ESPN: variants seen among roughly 807,000 people sequenced by gnomAD.
ESPN encodes espin, also known as autosomal recessive deafness type 36 protein.
A neutral mutation model predicts 77.7 loss-of-function variants in ESPN; 68 were observed. The observed-to-expected ratio is 0.87, with a 90% CI of 0.72 to 1.07. The LOEUF (loss-of-function observed/expected upper bound fraction) is 1.07, where lower values mean the gene tolerates loss of function less well. Among genes scored for constraint, ESPN ranks in the 50% least tolerant of loss-of-function variants. The pLI is 0.00. For missense variants in ESPN, 1,060 were observed against 1,239.0 expected (o/e 0.86, Z 2.17); for synonymous variants, 449 against 567.1 (o/e 0.79, Z 2.96).
Position 6,457,241 on chromosome 1 carries a change from C to G in ESPN, c.2383C>G (p.Arg795Gly), listed in dbSNP as rs1436366629. The change falls in exon 11 of 13, where the codon CGG becomes GGG. Residue 795 changes from arginine to glycine, a missense_variant. By Grantham distance (125) the Arg-to-Gly change is moderately radical. Coordinates refer to ENST00000645284, the MANE Select transcript of ESPN (RefSeq NM_031475.3). ...GCCCGCCTGGAGGCGGGACCTCCTG[C>G]GGAAGAAGCTGGAAGAAGAGAGGTG... The part of the protein sequence containing the change: ...SMPAWRRDLL[R>G]KKLEEEREQK... The G allele has an allele frequency of 6.2e-7, 1 of 1,613,544 alleles. No homozygotes were observed. Among genetic ancestry groups the G allele is most frequent in the Non-Finnish European group, 8.5e-7 (1 of 1,179,778 alleles).
rs1643879788 is a variant in ESPN, at chr1:6,447,978, G to C, written c.1465-663G>C. On this transcript the variant is annotated intron_variant, in intron 7 of 12. Coordinates refer to ENST00000645284, the MANE Select transcript of ESPN (RefSeq NM_031475.3). This position sits in a 1 kb window ranked among gnomAD's most constrained non-coding sequence, Gnocchi z 5.2. ...TCAGCCTGGGATTGGCGGGCCCCGG[G>C]TGATGTCAGGCCGTCGGAGCCCATA... The C allele has an allele frequency of 6.6e-6, 1 of 152,266 alleles. No individual in the cohort carries two copies. The highest frequency in any genetic ancestry group is 2.1e-4 in the South Asian group (1 of 4,838). The allele number at this position is 152,266 out of a possible 1,614,324, so 9.4% of individuals were successfully genotyped here. A position where few individuals can be genotyped will look rare whatever the true frequency, so the allele number is the denominator to read the frequency against.
intron 7 of ESPN, chr1:6,446,883 G>C (rs6673748): frequency 0.21 from 32,130 of 152,220 alleles, 7,542 homozygotes; most frequent in African/African-American, 0.59. Context: ...AGGCCACTGG[G>C]CAAGGGAGGC....
intron 12 of ESPN, 111 bp from the exon 13 acceptor site, chr1:6,459,888 C>A: frequency 7.3e-7 from 1 of 1,376,654 alleles, no homozygotes; most frequent in Non-Finnish European, 1.0e-6. Context: ...AGTAACCCAC[C>A]CCTTGCATGG....
downstream of ESPN, chr1:6,461,171 C>G (rs779833543): frequency 2.7e-5 from 19 of 695,492 alleles, no homozygotes; most frequent in Middle Eastern, 2.3e-4. This position sits in a 1 kb window ranked among gnomAD's most constrained non-coding sequence, Gnocchi z 6.3. Context: ...GTTTTGTTTT[C>G]TTTCACAGAT....
Position 6,440,460 on chromosome 1 carries a change from G to T in ESPN, c.675+20G>T. 2.0e-6 allele frequency: 3 copies of T among 1,523,434 alleles called. No individual in the cohort carries two copies. The highest frequency in any genetic ancestry group is 2.6e-6 in the Non-Finnish European group (3 of 1,138,914). 94.4% of individuals were successfully genotyped at this position (1,523,434 alleles called of 1,614,324 possible). On this transcript the variant is annotated intron_variant, in intron 3 of 12. Coordinates refer to ENST00000645284, the MANE Select transcript of ESPN (RefSeq NM_031475.3). ...TGGTTGGTGAGCTCCGGGCCCGGGC[G>T]GGGAGCAGGGGAGGCGGGGCGGAGC... is the stretch of plus-strand genomic sequence containing the variant.
intron 7 of ESPN, among the ~76,000 whole-genome samples, chr1:6,446,373 CTG>C (rs1209967672): frequency 2.6e-5 from 4 of 152,142 alleles, no homozygotes; most frequent in African/African-American, 9.7e-5. Context: ...AGTGGCATGG[CTG>C]TGGAGGTGAG....
chr1:6,456,898 G>A (rs907267881), intron 10 of ESPN, among the ~76,000 whole-genome samples: 4 of 152,196 alleles, frequency 2.6e-5, no homozygotes, highest in South Asian at 2.1e-4. Context: ...CTGCCTCTGC[G>A]GGGAATCAGG....
chr1:6,426,476 G>A (rs1173743202), intron 1 of ESPN, among the ~76,000 whole-genome samples: 6 of 143,734 alleles, frequency 4.2e-5, no homozygotes, highest in African/African-American at 1.5e-4. Context: ...GGGTGTGGGG[G>A]GAGAAAGTGT....
intron 1 of ESPN, 67 bp downstream of exon 1, chr1:6,425,316 C>A: frequency 2.0e-6 from 3 of 1,520,110 alleles, no homozygotes; most frequent in South Asian, 1.2e-5. Flanking sequence ...GGCCCAGAGT[C>A]CCCCGGGGCT....
intron 5 of ESPN, among the ~76,000 whole-genome samples, chr1:6,441,346 A>G (rs1643630783): frequency 6.6e-6 from 1 of 152,192 alleles, no homozygotes; most frequent in Non-Finnish European, 1.5e-5. Context: ...AGGCTCATTC[A>G]CCTACCCATA....
chr1:6,460,193 C>T lies in ESPN; in HGVS notation c.*47C>T. On this transcript the variant is annotated 3_prime_UTR_variant, in exon 13 of 13. Coordinates refer to ENST00000645284, the MANE Select transcript of ESPN (RefSeq NM_031475.3). The stretch of plus-strand genomic sequence containing the variant: ...AGCCTCGCAGCTCCGTGGGGCCCTC[C>T]GCCCCAGCCCCAGCCAGCCAGGCCC... 6.3e-7 allele frequency: 1 copy of T among 1,590,832 alleles called. No homozygotes were observed. Among genetic ancestry groups the T allele is most frequent in the Non-Finnish European group, 8.6e-7 (1 of 1,165,182 alleles).
Position 6,457,737 on chromosome 1 carries a change from T to C in ESPN, c.2417+365T>C, listed in dbSNP as rs530120378. ...ACAGATGTAATTTAAAATTTTCTAG[T>C]AGCCACAGTGAAAATGTAGAAGGAT... is the stretch of plus-strand genomic sequence containing the variant. On this transcript the variant is annotated intron_variant, in intron 12 of 12. Transcript: ENST00000645284. Among the ~76,000 whole-genome samples, 18 of 152,334 alleles carry C rather than the reference T, an allele frequency of 1.2e-4. No homozygotes were observed. The East Asian group carries it at 3.1e-3, about 26-fold the overall frequency.
chr1:6,443,858 C>T (rs1426207376), intron 5 of ESPN, among the ~76,000 whole-genome samples: 6 of 152,158 alleles, frequency 3.9e-5, no homozygotes, highest in Non-Finnish European at 5.9e-5. Flanking sequence ...GCAATGTAAG[C>T]AGGGCCCCCA....
intron 5 of ESPN, among the ~76,000 whole-genome samples, chr1:6,442,446 C>G (rs573990994): frequency 6.6e-6 from 1 of 151,414 alleles, no homozygotes; most frequent in Non-Finnish European, 1.5e-5. Flanking sequence ...TGGTAGCACA[C>G]GCCTGTAGTC....
intron 2 of ESPN, among the ~76,000 whole-genome samples, chr1:6,436,765 C>A (rs1396772763): frequency 6.6e-6 from 1 of 152,116 alleles, no homozygotes; most frequent in Non-Finnish European, 1.5e-5. Flanking sequence ...CTTTGGCCTC[C>A]GAAGGTGCTT....
In ESPN at chr1:6,452,185, G is replaced by A. The variant is rs112217746; in HGVS notation, c.2325+89G>A. 1.8e-3 allele frequency: 2,426 copies of A among 1,373,172 alleles called. 32 individuals carry two copies. The African/African-American group carries it at 0.031, about 18-fold the overall frequency. 85.1% of individuals were successfully genotyped at this position (1,373,172 alleles called of 1,614,324 possible). ...ACGCCACCCCCAACCCCAACCTCGG[G>A]ACCTCCCATTTTCTTTCTTTTTTTT... On this transcript the variant is annotated intron_variant, in intron 10 of 12. Coordinates refer to ENST00000645284, the MANE Select transcript of ESPN (RefSeq NM_031475.3).
intron 8 of ESPN, among the ~76,000 whole-genome samples, chr1:6,449,532 C>G (rs1355100921): frequency 3.9e-5 from 6 of 152,354 alleles, no homozygotes; most frequent in Admixed American, 1.3e-4. Flanking sequence ...ACCCTTCCCC[C>G]TGCCCGTCTA....
Position 6,451,462 on chromosome 1 carries a change from G to T in ESPN, c.1916-141G>T. 5.8e-6 allele frequency: 7 copies of T among 1,212,326 alleles called. No homozygotes were observed. Among genetic ancestry groups the T allele is most frequent in the Non-Finnish European group, 8.3e-6 (7 of 843,688 alleles). The allele number at this position is 1,212,326 out of a possible 1,614,324, so 75.1% of individuals were successfully genotyped here. ...CCTGAAACCTGCCTGCAGGACCTGG[G>T]ATCTGGAGAGCTGCCCGCTGGCCCG... On this transcript the variant is annotated intron_variant, in intron 8 of 12. Coordinates refer to ENST00000645284, the MANE Select transcript of ESPN (RefSeq NM_031475.3). The surrounding 1 kb of genome is among the most constrained non-coding windows in gnomAD (Gnocchi z 4.3).
intron 10 of ESPN, chr1:6,454,365 G>T (rs1644010655): frequency 5.0e-6 from 2 of 398,596 alleles, no homozygotes; most frequent in Non-Finnish European, 8.9e-6. Context: ...AAAGGCTCCC[G>T]GCGCCACGGC....
Sources: allele counts gnomAD v4.1 joint callset (sites outside exome capture counted in the v4.1 genomes callset), GRCh38; gene constraint gnomAD v4.1.1; non-coding constraint Gnocchi (gnomAD v3.1); transcripts MANE v1.5; gene names NCBI Gene and HGNC (gene_info 2026-07-23, HGNC 2026-07-21).